Variants in GEMIN7 observed in about 807,000 individuals in gnomAD.
GEMIN7 encodes gem-associated protein 7.
A neutral mutation model predicts 7.8 loss-of-function variants in GEMIN7; 7 were observed. That is an observed-to-expected ratio of 0.90 (90% CI 0.51 to 1.69). The LOEUF (loss-of-function observed/expected upper bound fraction) is 1.69, where lower values mean the gene tolerates loss of function less well. GEMIN7 is among the 40% of genes most tolerant of loss of function. The pLI is 0.00. For synonymous variants in GEMIN7, 68 were observed against 72.4 expected (o/e 0.94, Z 0.31); for missense variants, 159 against 176.2 (o/e 0.90, Z 0.55).
chr19:45,089,060 A>G (rs762394069), intron 2 of GEMIN7, among the ~76,000 whole-genome samples: 18 of 150,824 alleles, frequency 1.2e-4, no homozygotes, highest in Non-Finnish European at 2.2e-4. Flanking sequence ...TCCTGCCTTA[A>G]CCTCCCGAGT....
chr19:45,088,936 C>CTTTTTTTTTTTTTTTTTTTTTTT (rs368470130), intron 2 of GEMIN7, among the ~76,000 whole-genome samples: 2 of 143,202 alleles, frequency 1.4e-5, no homozygotes, highest in Non-Finnish European at 3.0e-5. Flanking sequence ...CCCATCCATG[C>CTTTTTTTTTTTTTTTTTTTTTTT]TTTTTTTTTT....
intron 2 of GEMIN7, among the ~76,000 whole-genome samples, chr19:45,086,991 C>T (rs1967713385): frequency 6.6e-6 from 1 of 151,870 alleles, no homozygotes; most frequent in South Asian, 2.1e-4. Flanking sequence ...GGATTACAGG[C>T]ACGTGCCACC....
chr19:45,088,099 C>T (rs370506573), intron 2 of GEMIN7, among the ~76,000 whole-genome samples: 5 of 151,658 alleles, frequency 3.3e-5, no homozygotes, highest in South Asian at 2.1e-4. Context: ...GTGCCCGCCA[C>T]GATGCTTGGC....
intron 2 of GEMIN7, among the ~76,000 whole-genome samples, chr19:45,084,072 G>A (rs147839918): frequency 0.01 from 1,568 of 151,944 alleles, 24 homozygotes; most frequent in African/African-American, 0.036. Flanking sequence ...TCAGCTGGGC[G>A]TGGTCGCGGG....
At chr19:45,083,642 C>G (rs1967578759) in intron 2 of GEMIN7, among the ~76,000 whole-genome samples, 2 of 140,852 alleles carry the variant, frequency 1.4e-5, no homozygotes, top group African/African-American at 5.3e-5. Flanking sequence ...TCACTCTTCC[C>G]AGGCTGGAGT....
At chr19:45,075,969 A>T (rs537294799), upstream of GEMIN7, 2 of 1,582,546 alleles carry the variant, frequency 1.3e-6, no homozygotes. Context: ...GAGGGGCAGG[A>T]CGGGGCGAAG....
Position 45,089,313 on chromosome 19 carries a change from T to A in GEMIN7, c.-8-794T>A, listed in dbSNP as rs1708648479. 2.6e-5 allele frequency among the ~76,000 whole-genome samples: 4 copies of A among 152,356 alleles called. No individual in the cohort carries two copies. The South Asian group carries it at 8.3e-4, about 32-fold the overall frequency. ...CCAGTCTACAGTAAGGATTATATTT[T>A]CCTTCTCTTCCTTATTTATTCATTT... On this transcript the variant is annotated intron_variant, in intron 2 of 2. Coordinates refer to ENST00000270257, the MANE Select transcript of GEMIN7 (RefSeq NM_024707.3).
At chr19:45,075,931 G>C (rs1048817780), upstream of GEMIN7, 16 of 1,599,524 alleles carry the variant, frequency 1.0e-5, no homozygotes, top group Non-Finnish European at 1.3e-5. Flanking sequence ...CTGAAGGAGA[G>C]GGGAAACCGA....
chr19:45,089,727 A>C (rs1308841370), intron 2 of GEMIN7, among the ~76,000 whole-genome samples: 1 of 152,134 alleles, frequency 6.6e-6, no homozygotes, highest in Non-Finnish European at 1.5e-5. Context: ...TATATTGCCC[A>C]GGCTGGTCTC....
At chr19:45,086,287 G>A (rs1967685341) in intron 2 of GEMIN7, among the ~76,000 whole-genome samples, 2 of 152,006 alleles carry the variant, frequency 1.3e-5, no homozygotes, top group African/African-American at 4.8e-5. Flanking sequence ...AAAGAAACAG[G>A]ACAATTTCAA....
At chr19:45,081,772 A>G (rs1281556439) in intron 2 of GEMIN7, among the ~76,000 whole-genome samples, 1 of 151,938 alleles carries the variant, frequency 6.6e-6, no homozygotes, top group Non-Finnish European at 1.5e-5. Flanking sequence ...GATTACAGGC[A>G]CGCACCACCA....
At chr19:45,088,192 C>G (rs1482068733) in intron 2 of GEMIN7, among the ~76,000 whole-genome samples, 1 of 151,944 alleles carries the variant, frequency 6.6e-6, no homozygotes, top group Non-Finnish European at 1.5e-5. Context: ...GTGATCTGCC[C>G]ACCTCGGCCT....
intron 2 of GEMIN7, among the ~76,000 whole-genome samples, chr19:45,084,821 T>C (rs1321595785): frequency 1.3e-5 from 2 of 152,264 alleles, no homozygotes; most frequent in Non-Finnish European, 2.9e-5. Context: ...AATGGCGCAG[T>C]CTCGGCTCAC....
chr19:45,090,282 GCGGGCACGAGCCGCCCT>G lies in GEMIN7; in HGVS notation c.169_185del (p.Arg57SerfsTer60). The G allele has an allele frequency of 6.2e-7, 1 of 1,614,200 alleles. No individual in the cohort carries two copies. Among genetic ancestry groups the G allele is most frequent in the Non-Finnish European group, 8.5e-7 (1 of 1,180,032 alleles). ...AAGAATCCCTGGAATCCCAGGAGCA[GCGGGCACGAGCCGCCCT>G]TCGGGAGCGTTACCTCCGCAGCCTG... On this transcript the variant is annotated frameshift_variant, in exon 3 of 3. Transcript: ENST00000270257. LOFTEE classifies it high-confidence loss of function.
At chr19:45,076,463 G>T (rs1472979297), upstream of GEMIN7, 1 of 996,436 alleles carries the variant, frequency 1.0e-6, no homozygotes, top group Non-Finnish European at 1.3e-6. This position sits in a 1 kb window ranked among gnomAD's most constrained non-coding sequence, Gnocchi z 4.9. Flanking sequence ...GACCGTGCGC[G>T]CTCAGGTGAG....
chr19:45,078,324 A>G (rs911830562), upstream of GEMIN7, among the ~76,000 whole-genome samples: 2 of 152,044 alleles, frequency 1.3e-5, no homozygotes, highest in East Asian at 1.9e-4. Context: ...TCCTGACCTC[A>G]GGTGATCCAC....
chr19:45,088,694 C>T (rs1967785478), intron 2 of GEMIN7: 1 of 151,740 alleles, frequency 6.6e-6, no homozygotes, highest in Admixed American at 6.6e-5. Context: ...CCAGCCTCGG[C>T]AACATAGTGA....
upstream of GEMIN7, chr19:45,076,192 C>A: frequency 6.7e-7 from 1 of 1,501,304 alleles, no homozygotes. The surrounding 1 kb of genome is among the most constrained non-coding windows in gnomAD (Gnocchi z 4.9). Flanking sequence ...GCCGCCGAAC[C>A]GCCCCGCCGA....
Position 45,080,447 on chromosome 19 carries a change from C to T in GEMIN7, c.-9+418C>T, listed in dbSNP as rs1164113086. On this transcript the variant is annotated intron_variant, in intron 2 of 2. Coordinates refer to ENST00000270257, the MANE Select transcript of GEMIN7 (RefSeq NM_024707.3). ...CTGGGGTGCAGAGGCGTGATCTCCG[C>T]TCACTGCAACCTCCGTCTCCCTGGT... Among the ~76,000 whole-genome samples the T allele has an allele frequency of 2.0e-5, 3 of 151,554 alleles. No individual in the cohort carries two copies. In the East Asian group the frequency reaches 5.8e-4, roughly 29 times the overall value.
Sources: gnomAD v4.1 joint callset for allele counts (sites outside exome capture counted in the v4.1 genomes callset) on GRCh38, gnomAD v4.1.1 for gene constraint, Gnocchi (gnomAD v3.1) non-coding constraint, MANE v1.5 for transcripts, NCBI Gene and HGNC (gene_info 2026-07-23, HGNC 2026-07-21) for gene names.